The following WWC1 variants were observed in gnomAD, a reference collection of about 807,000 sequenced individuals.
WWC1 encodes WW and C2 domain containing 1.
WWC1 carries 55 observed loss-of-function variants against 138.4 expected under a neutral mutation model. The ratio of observed to expected loss-of-function variants is 0.40; its 90% CI spans 0.32 to 0.50. The LOEUF is 0.50. Among genes scored for constraint, WWC1 ranks in the 20% least tolerant of loss-of-function variants. WWC1 has a pLI of 0.72. For synonymous variants in WWC1, 524 were observed against 564.9 expected (o/e 0.93, Z 1.03); for missense variants, 1,226 against 1,420.4 (o/e 0.86, Z 2.20).
Position 168,292,103 on chromosome 5 carries a change from C to G in WWC1, c.-50C>G, listed in dbSNP as rs1382028129. 8 of 1,484,484 alleles carry G rather than the reference C, an allele frequency of 5.4e-6. No individual in the cohort carries two copies. The highest frequency in any genetic ancestry group is 7.1e-6 in the Non-Finnish European group (8 of 1,119,000). The allele number at this position is 1,484,484 out of a possible 1,614,324, so 92.0% of individuals were successfully genotyped here. A position where few individuals can be genotyped will look rare whatever the true frequency, so the allele number is the denominator to read the frequency against. On this transcript the variant is annotated 5_prime_UTR_variant, in exon 1 of 23. Transcript: ENST00000265293. The surrounding 1 kb of genome is among the most constrained non-coding windows in gnomAD (Gnocchi z 4.4). Reference sequence around the variant, plus strand: ...AGCGGCCGGCTGGAGCCGCTGAGCCCCCGCTGCGGCCGGGAGCTGCATGGG... The same window carrying G: ...AGCGGCCGGCTGGAGCCGCTGAGCCGCCGCTGCGGCCGGGAGCTGCATGGG...
intron 1 of WWC1, among the ~76,000 whole-genome samples, chr5:168,319,373 T>C (rs1771869956): frequency 6.6e-6 from 1 of 152,136 alleles, no homozygotes; most frequent in African/African-American, 2.4e-5. Flanking sequence ...TAAGCCGAGA[T>C]TGCAACACTG....
At chr5:168,345,339 A>C (rs1466040565) in intron 1 of WWC1, among the ~76,000 whole-genome samples, 1 of 152,162 alleles carries the variant, frequency 6.6e-6, no homozygotes, top group Non-Finnish European at 1.5e-5. Context: ...TCTCGACCTC[A>C]AGTGATCCTC....
At chr5:168,335,287 T>C (rs987379899) in intron 1 of WWC1, among the ~76,000 whole-genome samples, 1 of 152,140 alleles carries the variant, frequency 6.6e-6, no homozygotes, top group African/African-American at 2.4e-5. Context: ...CAGCAGCAGT[T>C]CTCCTAATGA....
chr5:168,406,383 T>C, intron 6 of WWC1, 56 bp downstream of exon 6: 1 of 1,604,476 alleles, frequency 6.2e-7, no homozygotes, highest in East Asian at 2.2e-5. Context: ...AGTATTCCTG[T>C]ATGCCAGTCG....
chr5:168,355,449 G>A (rs561706179), intron 1 of WWC1, among the ~76,000 whole-genome samples: 23 of 142,196 alleles, frequency 1.6e-4, no homozygotes, highest in African/African-American at 5.0e-4. Flanking sequence ...AGCTGAGATC[G>A]CGCCACTACA....
intron 1 of WWC1, among the ~76,000 whole-genome samples, chr5:168,346,398 C>T (rs866609925): frequency 1.1e-4 from 16 of 152,174 alleles, no homozygotes; most frequent in Admixed American, 2.0e-4. Flanking sequence ...ATTTCCTCCC[C>T]TGCTCAGCTC....
chr5:168,398,874 A>G (rs948208838), intron 4 of WWC1, among the ~76,000 whole-genome samples: 1 of 152,196 alleles, frequency 6.6e-6, no homozygotes, highest in African/African-American at 2.4e-5. Flanking sequence ...AGATCTTCAG[A>G]TGTTTTCATA....
intron 1 of WWC1, among the ~76,000 whole-genome samples, chr5:168,299,877 A>G (rs1171182744): frequency 6.6e-6 from 1 of 152,178 alleles, no homozygotes; most frequent in Non-Finnish European, 1.5e-5. Flanking sequence ...GCTGTCCATG[A>G]CGTGTATCAG....
intron 3 of WWC1, among the ~76,000 whole-genome samples, chr5:168,396,511 G>A (rs1408473737): frequency 1.3e-5 from 2 of 152,224 alleles, no homozygotes; most frequent in East Asian, 3.8e-4. Context: ...CCTACAGTGT[G>A]ATTAAGGACT....
chr5:168,356,747 C>G (rs943092510), intron 1 of WWC1, among the ~76,000 whole-genome samples: 3 of 152,132 alleles, frequency 2.0e-5, no homozygotes, highest in African/African-American at 7.2e-5. Context: ...GAGACAGAGG[C>G]CTTGTTTGCT....
chr5:168,340,960 T>A (rs1233877137), intron 1 of WWC1, among the ~76,000 whole-genome samples: 2 of 152,176 alleles, frequency 1.3e-5, no homozygotes, highest in Non-Finnish European at 2.9e-5. Context: ...TAATTAGAAC[T>A]CAGGTAGTCT....
chr5:168,436,634 G>A lies in WWC1; in HGVS notation c.2281-5048G>A, dbSNP rs146954546. 2.3e-3 allele frequency among the ~76,000 whole-genome samples: 351 copies of A among 152,108 alleles called. 2 individuals are homozygous for A. Among genetic ancestry groups the A allele is most frequent in the African/African-American group, 7.9e-3 (327 of 41,488 alleles). ...CCCTGACCTTTCATCCTGTGTCTCC[G>A]CTGTCTCAGCCGATGGCAATCTCAT... On this transcript the variant is annotated intron_variant, in intron 15 of 22. Transcript: ENST00000265293.
chr5:168,400,294 T>C (rs2152831891), intron 5 of WWC1, among the ~76,000 whole-genome samples: 1 of 152,310 alleles, frequency 6.6e-6, no homozygotes, highest in African/African-American at 2.4e-5. Flanking sequence ...TTAAGCCTAG[T>C]ACCCATTAGT....
intron 1 of WWC1, among the ~76,000 whole-genome samples, chr5:168,359,904 A>G (rs762587084): frequency 3.9e-5 from 6 of 152,196 alleles, no homozygotes; most frequent in African/African-American, 9.7e-5. Context: ...AAAGACCCAC[A>G]AAAAGGGACT....
At chr5:168,459,062 T>C (rs1756572639) in intron 19 of WWC1, among the ~76,000 whole-genome samples, 1 of 151,988 alleles carries the variant, frequency 6.6e-6, no homozygotes. Context: ...GAGACCAGCC[T>C]GGGCAACATG....
intron 1 of WWC1, among the ~76,000 whole-genome samples, chr5:168,297,129 T>C (rs545591709): frequency 6.6e-6 from 1 of 152,344 alleles, no homozygotes; most frequent in East Asian, 1.9e-4. Context: ...AGGGTAGTTA[T>C]GGGTGATAAG....
intron 1 of WWC1, among the ~76,000 whole-genome samples, chr5:168,324,793 C>T (rs990944493): frequency 6.6e-6 from 1 of 152,114 alleles, no homozygotes; most frequent in Non-Finnish European, 1.5e-5. Context: ...AACAGGTTCA[C>T]TTTAAATATA....
intron 1 of WWC1, among the ~76,000 whole-genome samples, chr5:168,370,624 C>T (rs566943348): frequency 6.6e-6 from 1 of 152,222 alleles, no homozygotes; most frequent in South Asian, 2.1e-4. Context: ...CTCATATACC[C>T]AGATTCCCAG....
chr5:168,398,968 G>T (rs1052588173), intron 4 of WWC1, among the ~76,000 whole-genome samples: 2 of 152,222 alleles, frequency 1.3e-5, no homozygotes, highest in Non-Finnish European at 2.9e-5. Flanking sequence ...GAATAATACA[G>T]TGTAGGCCAC....
Sources: allele counts gnomAD v4.1 joint callset (sites outside exome capture counted in the v4.1 genomes callset), GRCh38; gene constraint gnomAD v4.1.1; non-coding constraint Gnocchi (gnomAD v3.1); transcripts MANE v1.5; gene names NCBI Gene and HGNC (gene_info 2026-07-23, HGNC 2026-07-21).